PRR14L: variants seen among roughly 807,000 people sequenced by gnomAD.
PRR14L encodes the protein proline rich 14 like, also known as protein PRR14L.
A neutral mutation model predicts 155.0 loss-of-function variants in PRR14L; 80 were observed. That is an observed-to-expected ratio of 0.52 (90% CI 0.43 to 0.62). The LOEUF (loss-of-function observed/expected upper bound fraction) is 0.62, where lower values mean the gene tolerates loss of function less well. PRR14L is among the 20% of genes least tolerant of loss of function. The pLI, the probability that PRR14L is intolerant of heterozygous loss-of-function variation, is 0.00. For missense variants in PRR14L, 2,469 were observed against 2,548.0 expected (o/e 0.97, Z 0.67); for synonymous variants, 883 against 916.0 (o/e 0.96, Z 0.65).
rs1332464965 is a variant in PRR14L at position 31,718,867 on chromosome 22, A to C, written c.548-1576T>G. Among the ~76,000 whole-genome samples the C allele has an allele frequency of 2.7e-5, 4 of 149,426 alleles. No homozygotes were observed. In the Admixed American group the frequency reaches 2.7e-4, roughly 10 times the overall value. ...GGTGGATGGATCACACGAGGTCAGG[A>C]GTTCAAGACTAGCCTGGCCAACATG... is the stretch of plus-strand genomic sequence containing the variant. On this transcript the variant is annotated intron_variant, in intron 3 of 8. Transcript: ENST00000327423.
At chr22:31,726,587 T>C (rs927962794) in intron 2 of PRR14L, among the ~76,000 whole-genome samples, 1 of 152,152 alleles carries the variant, frequency 6.6e-6, no homozygotes, top group Non-Finnish European at 1.5e-5. Flanking sequence ...TTATCTGTAG[T>C]TATATTTGAT....
At position 31,682,534 on chromosome 22, in the gene PRR14L, A is replaced by G. The variant is rs982562943; in HGVS notation, c.*2993T>C. ...TGAAGCTGGAAAGGAGACCAAAAGC[A>G]AAAAAAGAGGAGGGAACGCGGAGGG... On this transcript the variant is annotated 3_prime_UTR_variant, in exon 9 of 9. Coordinates refer to ENST00000327423, the MANE Select transcript of PRR14L (RefSeq NM_173566.3). 2 of 142,776 alleles carry G rather than the reference A, an allele frequency of 1.4e-5. No individual in the cohort carries two copies. Among genetic ancestry groups the G allele is most frequent in the African/African-American group, 5.2e-5 (2 of 38,466 alleles). The allele number at this position is 142,776 out of a possible 1,614,324, so 8.8% of individuals were successfully genotyped here.
intron 7 of PRR14L, among the ~76,000 whole-genome samples, chr22:31,698,502 GT>G (rs1021079650): frequency 5.7e-5 from 8 of 141,284 alleles, no homozygotes; most frequent in Non-Finnish European, 7.7e-5. Context: ...AAAACAATGA[GT>G]TTTTTTTTTA....
At chr22:31,732,338 G>C (rs1199314115) in intron 2 of PRR14L, among the ~76,000 whole-genome samples, 1 of 152,190 alleles carries the variant, frequency 6.6e-6, no homozygotes, top group East Asian at 1.9e-4. Flanking sequence ...CTGGGAACTA[G>C]AGTTTGGGAG....
At position 31,703,861 on chromosome 22, in the gene PRR14L, G is replaced by A. The variant is rs2074575901; in HGVS notation, c.5829-140C>T. ...TGCCCAGACTGGAGTGCAATGGTAC[G>A]ATCTCGGCTCAATGCAGCCTCTGCC... is the stretch of plus-strand genomic sequence containing the variant. On this transcript the variant is annotated intron_variant, in intron 5 of 8. Coordinates refer to ENST00000327423, the MANE Select transcript of PRR14L (RefSeq NM_173566.3). 11 of 524,114 alleles carry A rather than the reference G, an allele frequency of 2.1e-5. 1 individual carries two copies. The East Asian group carries it at 3.4e-4, about 16-fold the overall frequency. 32.5% of individuals were successfully genotyped at this position (524,114 alleles called of 1,614,324 possible).
intron 1 of PRR14L, among the ~76,000 whole-genome samples, chr22:31,741,044 G>C (rs906444353): frequency 2.0e-5 from 3 of 151,866 alleles, no homozygotes; most frequent in African/African-American, 7.3e-5. Flanking sequence ...ACGAGGTCAG[G>C]AGATCAAGAC....
chr22:31,705,217 C>T (rs957296932), intron 4 of PRR14L, among the ~76,000 whole-genome samples: 1 of 152,278 alleles, frequency 6.6e-6, no homozygotes, highest in East Asian at 1.9e-4. Context: ...GCCAAGACTG[C>T]ACCACTGCAC....
At chr22:31,711,170 G>T (rs968603430) in intron 4 of PRR14L, among the ~76,000 whole-genome samples, 2 of 152,102 alleles carry the variant, frequency 1.3e-5, no homozygotes, top group African/African-American at 4.8e-5. Flanking sequence ...CAAGATGGGC[G>T]CAAGAGTAGA....
At chr22:31,697,760 T>C (rs762393641) in intron 7 of PRR14L, among the ~76,000 whole-genome samples, 1 of 152,000 alleles carries the variant, frequency 6.6e-6, no homozygotes, top group African/African-American at 2.4e-5. Flanking sequence ...CAGCTACTCA[T>C]GAGGCTGAGA....
chr22:31,723,365 G>C (rs1159006359), intron 3 of PRR14L, among the ~76,000 whole-genome samples: 1 of 152,186 alleles, frequency 6.6e-6, no homozygotes, highest in African/African-American at 2.4e-5. Context: ...TTCTTAGGTG[G>C]AGAGTAGCCA....
intron 2 of PRR14L, among the ~76,000 whole-genome samples, chr22:31,734,490 T>C (rs1164709188): frequency 6.6e-6 from 1 of 152,202 alleles, no homozygotes; most frequent in Non-Finnish European, 1.5e-5. Flanking sequence ...TGAAATGGTA[T>C]GCAAGTGGTA....
At chr22:31,700,099 C>T (rs546413787) in intron 7 of PRR14L, among the ~76,000 whole-genome samples, 1 of 152,284 alleles carries the variant, frequency 6.6e-6, no homozygotes, top group East Asian at 1.9e-4. Context: ...GCCTGGGCAA[C>T]AGAACCTTTG....
At chr22:31,728,733 A>G (rs962267038) in intron 2 of PRR14L, among the ~76,000 whole-genome samples, 3 of 152,122 alleles carry the variant, frequency 2.0e-5, no homozygotes, top group Admixed American at 6.6e-5. Context: ...AAAAAAAAAA[A>G]AATTCTGAAC....
At chr22:31,717,545 T>G (rs1296009131) in intron 3 of PRR14L, among the ~76,000 whole-genome samples, 3 of 152,284 alleles carry the variant, frequency 2.0e-5, no homozygotes, top group African/African-American at 7.2e-5. Context: ...AGTTCACAGA[T>G]CAATGCTGGA....
chr22:31,691,121 G>A (rs1006598510), intron 7 of PRR14L, among the ~76,000 whole-genome samples: 1 of 150,958 alleles, frequency 6.6e-6, no homozygotes, highest in African/African-American at 2.4e-5. Context: ...CTACCACCAC[G>A]CGCGGCTAAT....
rs2074638107 is a variant in PRR14L at position 31,713,843 on chromosome 22, T to G, written c.3996A>C (p.Lys1332Asn). 6.4e-7 allele frequency: 1 copy of G among 1,552,220 alleles called. No homozygotes were observed. Among genetic ancestry groups the G allele is most frequent in the Admixed American group, 2.0e-5 (1 of 50,986 alleles). The change falls in exon 4 of 9, where the codon AAA becomes AAC. Residue 1332 changes from lysine (K) to asparagine (N), a missense_variant. Physicochemically the swap from Lys to Asn is moderately conservative, Grantham distance 94. Coordinates refer to ENST00000327423, the MANE Select transcript of PRR14L (RefSeq NM_173566.3). ...GCTCTTCGGTTTCTTCTCCTTTCAC[T>G]TTAATATCTGTTTTCACTGTCAAAG... is the stretch of plus-strand genomic sequence containing the variant. ...HLPLTVKTDI[K>N]VKGEETEEHQ...
Position 31,701,681 on chromosome 22 carries a change from G to C in PRR14L, c.6082C>G (p.Pro2028Ala), listed in dbSNP as rs541385556. The change falls in exon 7 of 9, where the codon CCC (proline) becomes GCC (alanine). Residue 2028 changes from proline (P) to alanine (A), a missense_variant. Physicochemically the swap from Pro to Ala is conservative, Grantham distance 27 (BLOSUM62 -1). Coordinates refer to ENST00000327423, the MANE Select transcript of PRR14L (RefSeq NM_173566.3). ...CTTTTGGGTCGAGGAAGGCCCATGG[G>C]GGTAAGATTAGGATCTGGCCTAGGA... ...TIPRPDPNLT[P>A]MGLPRPKRLK... 6.2e-7 allele frequency: 1 copy of C among 1,613,318 alleles called. No individual in the cohort carries two copies. The highest frequency in any genetic ancestry group is 1.1e-5 in the South Asian group (1 of 90,914).
chr22:31,720,104 C>A (rs2074682141), intron 3 of PRR14L, among the ~76,000 whole-genome samples: 1 of 152,142 alleles, frequency 6.6e-6, no homozygotes, highest in African/African-American at 2.4e-5. Flanking sequence ...ACAATTACCT[C>A]AGTGCTATAC....
intron 3 of PRR14L, among the ~76,000 whole-genome samples, chr22:31,717,499 T>C (rs1474076349): frequency 6.6e-6 from 1 of 152,174 alleles, no homozygotes; most frequent in Non-Finnish European, 1.5e-5. Flanking sequence ...GAAACGTAAT[T>C]TTCAACAAAT....
Sources: gnomAD v4.1 joint callset for allele counts (sites outside exome capture counted in the v4.1 genomes callset) on GRCh38, gnomAD v4.1.1 for gene constraint, MANE v1.5 for transcripts, NCBI Gene and HGNC (gene_info 2026-07-23, HGNC 2026-07-21) for gene names.